The following FSTL4 variants were observed in gnomAD, a reference collection of about 807,000 sequenced individuals.
FSTL4 encodes follistatin-related protein 4.
A neutral mutation model predicts 78.2 loss-of-function variants in FSTL4; 28 were observed. That is an observed-to-expected ratio of 0.36 (90% CI 0.27 to 0.49). The LOEUF (loss-of-function observed/expected upper bound fraction) is 0.49, where lower values mean the gene tolerates loss of function less well. Among genes scored for constraint, FSTL4 ranks in the 20% least tolerant of loss-of-function variants. FSTL4 has a pLI of 0.98. For synonymous variants in FSTL4, 422 were observed against 440.5 expected, an observed-to-expected ratio of 0.96 and a Z score of 0.53; for missense variants, 922 against 1,084.9, an observed-to-expected ratio of 0.85 and a Z score of 2.11.
intron 4 of FSTL4, among the ~76,000 whole-genome samples, chr5:133,342,153 T>C (rs1480845791): frequency 6.6e-6 from 1 of 152,072 alleles, no homozygotes; most frequent in African/African-American, 2.4e-5. Flanking sequence ...GAGGGGGCAC[T>C]GAAGGTCTGT....
chr5:133,213,599 T>C (rs909270466), intron 13 of FSTL4, among the ~76,000 whole-genome samples: 1 of 152,236 alleles, frequency 6.6e-6, no homozygotes, highest in African/African-American at 2.4e-5. Context: ...CAATGATGCA[T>C]GTTATAATCA....
the FSTL4 span, among the ~76,000 whole-genome samples, chr5:133,732,421 C>T: frequency 1.3e-3 from 198 of 152,280 alleles, no homozygotes; most frequent in African/African-American, 4.6e-3. Flanking sequence ...ATCTAAATTA[C>T]TCCCTGCACA....
At chr5:133,528,107 T>C (rs926886387) in intron 3 of FSTL4, among the ~76,000 whole-genome samples, 9 of 152,238 alleles carry the variant, frequency 5.9e-5, no homozygotes, top group African/African-American at 2.2e-4. Context: ...GGAATGTGGT[T>C]GCAGGTAAAA....
At chr5:133,789,852 C>A in the FSTL4 span, among the ~76,000 whole-genome samples, 2 of 152,170 alleles carry the variant, frequency 1.3e-5, no homozygotes, top group African/African-American at 2.4e-5. Context: ...TAGGGCCCTG[C>A]CTTATGTCCT....
intron 4 of FSTL4, among the ~76,000 whole-genome samples, chr5:133,388,808 A>G (rs1755768548): frequency 6.7e-6 from 1 of 150,162 alleles, no homozygotes; most frequent in African/African-American, 2.5e-5. Flanking sequence ...TAAATCTTTT[A>G]TCTCTGTCTT....
At chr5:133,210,325 G>A (rs1460572264) in intron 13 of FSTL4, 27 bp from the exon 14 acceptor site, 2 of 1,292,384 alleles carry the variant, frequency 1.5e-6, no homozygotes, top group Non-Finnish European at 2.3e-6. Flanking sequence ...GACATGTTGT[G>A]AAAGCTGACA....
At chr5:133,742,303 C>A in the FSTL4 span, among the ~76,000 whole-genome samples, 1 of 152,178 alleles carries the variant, frequency 6.6e-6, no homozygotes, top group African/African-American at 2.4e-5. Flanking sequence ...TCTCATGCCC[C>A]CAAACCCCAG....
the FSTL4 span, among the ~76,000 whole-genome samples, chr5:133,768,740 T>C: frequency 6.6e-6 from 1 of 152,204 alleles, no homozygotes; most frequent in Non-Finnish European, 1.5e-5. Flanking sequence ...AGCAGAAAGG[T>C]TACCCTGAAT....
intron 6 of FSTL4, among the ~76,000 whole-genome samples, chr5:133,290,984 C>T (rs940031359): frequency 6.6e-5 from 10 of 152,266 alleles, no homozygotes; most frequent in African/African-American, 2.4e-4. Flanking sequence ...CTCCCAGCCC[C>T]TCAGTCTCCC....
chr5:133,589,736 CA>C (rs1425546660), intron 2 of FSTL4, among the ~76,000 whole-genome samples: 1 of 152,080 alleles, frequency 6.6e-6, no homozygotes, highest in Non-Finnish European at 1.5e-5. Context: ...TTTGGCCTTC[CA>C]AAGCTCAATG....
At chr5:133,208,186 TC>T (rs1410156298) in intron 14 of FSTL4, 1 of 152,246 alleles carries the variant, frequency 6.6e-6, no homozygotes, top group Non-Finnish European at 1.5e-5. Flanking sequence ...TTGTCTAGTA[TC>T]TTTCCTTAGG....
chr5:133,240,153 C>G (rs1172751703), intron 7 of FSTL4, among the ~76,000 whole-genome samples: 1 of 152,176 alleles, frequency 6.6e-6, no homozygotes, highest in Non-Finnish European at 1.5e-5. Context: ...CACGAACCCA[C>G]CAGAAGGAAG....
chr5:133,651,125 A>T, the FSTL4 span, among the ~76,000 whole-genome samples: 1 of 151,720 alleles, frequency 6.6e-6, no homozygotes, highest in Non-Finnish European at 1.5e-5. Flanking sequence ...AGTTCCAGGA[A>T]TTTTTTTTTG....
the FSTL4 span, among the ~76,000 whole-genome samples, chr5:133,800,725 T>A: frequency 1.1e-5 from 1 of 94,332 alleles, no homozygotes; most frequent in Non-Finnish European, 2.5e-5. Flanking sequence ...CTGGCCAATT[T>A]ACTCGAATGC....
At chr5:133,691,821 C>A in the FSTL4 span, among the ~76,000 whole-genome samples, 1 of 152,110 alleles carries the variant, frequency 6.6e-6, no homozygotes, top group Non-Finnish European at 1.5e-5. Context: ...GAAGACAAAC[C>A]CTCTTAAGTA....
At chr5:133,340,725 C>T (rs1207372241) in intron 4 of FSTL4, among the ~76,000 whole-genome samples, 2 of 152,062 alleles carry the variant, frequency 1.3e-5, no homozygotes, top group African/African-American at 4.8e-5. Context: ...AACTTAAAGG[C>T]CTATCGTACA....
intron 6 of FSTL4, among the ~76,000 whole-genome samples, chr5:133,309,528 G>A (rs1316194605): frequency 6.6e-6 from 1 of 152,168 alleles, no homozygotes; most frequent in Non-Finnish European, 1.5e-5. Flanking sequence ...GAGCCAGGAA[G>A]GGGGTACAGC....
chr5:133,373,553 G>A (rs1755367463), intron 4 of FSTL4, among the ~76,000 whole-genome samples: 1 of 152,228 alleles, frequency 6.6e-6, no homozygotes, highest in South Asian at 2.1e-4. Flanking sequence ...ATGTGAAAAT[G>A]AGTGAGCTGG....
chr5:133,706,714 C>T, the FSTL4 span, among the ~76,000 whole-genome samples: 2 of 152,184 alleles, frequency 1.3e-5, no homozygotes, highest in Admixed American at 1.3e-4. Context: ...CCCACTTCCA[C>T]GAGGCTCTTC....
Sources: gnomAD v4.1 joint callset for allele counts (sites outside exome capture counted in the v4.1 genomes callset) on GRCh38, gnomAD v4.1.1 for gene constraint, MANE v1.5 for transcripts, NCBI Gene and HGNC (gene_info 2026-07-23, HGNC 2026-07-21) for gene names.